LRRC4C: variants seen among roughly 807,000 people sequenced by gnomAD.
The protein encoded by LRRC4C is leucine rich repeat containing 4C, also known as leucine-rich repeat-containing protein 4C.
Under a neutral mutation model 33.6 loss-of-function variants are expected in LRRC4C, and 5 were observed. The ratio of observed to expected loss-of-function variants is 0.15; its 90% CI spans 0.08 to 0.31. LRRC4C has a LOEUF of 0.31. Ranked by LOEUF, LRRC4C falls within the 10% of genes least tolerant of loss-of-function variation. LRRC4C has a pLI of 1.00. For synonymous variants in LRRC4C, 329 were observed against 302.0 expected, an observed-to-expected ratio of 1.09 and a Z score of -0.93; for missense variants, 560 against 796.7, an observed-to-expected ratio of 0.70 and a Z score of 3.58.
intron 4 of LRRC4C, among the ~76,000 whole-genome samples, chr11:40,295,539 A>T (rs1321643515): frequency 6.6e-6 from 1 of 152,210 alleles, no homozygotes; most frequent in Non-Finnish European, 1.5e-5. Context: ...ATCTAAGTTT[A>T]TACAAAATGC....
chr11:41,412,939 T>C (rs940961032), intron 1 of LRRC4C, among the ~76,000 whole-genome samples: 1 of 152,222 alleles, frequency 6.6e-6, no homozygotes, highest in South Asian at 2.1e-4. Context: ...CATTTGTTAA[T>C]TTTGTCCTTC....
At chr11:40,597,785 GT>G (rs1191362605) in intron 3 of LRRC4C, among the ~76,000 whole-genome samples, 1 of 152,138 alleles carries the variant, frequency 6.6e-6, no homozygotes, top group Non-Finnish European at 1.5e-5. Context: ...ACTTGAACAC[GT>G]TGACATCGCA....
At chr11:40,525,642 G>T (rs1284031678) in intron 3 of LRRC4C, among the ~76,000 whole-genome samples, 1 of 151,950 alleles carries the variant, frequency 6.6e-6, no homozygotes, top group Non-Finnish European at 1.5e-5. Context: ...TTTATGCACT[G>T]GAGAATTCAG....
chr11:41,393,791 C>T (rs1216543031), intron 1 of LRRC4C, among the ~76,000 whole-genome samples: 1 of 151,898 alleles, frequency 6.6e-6, no homozygotes, highest in Non-Finnish European at 1.5e-5. Context: ...TCAGGAAATA[C>T]TGGATCACAT....
intron 2 of LRRC4C, among the ~76,000 whole-genome samples, chr11:40,912,424 G>C (rs946263450): frequency 6.6e-6 from 1 of 152,164 alleles, no homozygotes; most frequent in Non-Finnish European, 1.5e-5. Context: ...TTCCAACCCA[G>C]AATTTCATAT....
chr11:40,955,684 A>G (rs1958922343), intron 1 of LRRC4C, among the ~76,000 whole-genome samples: 2 of 151,770 alleles, frequency 1.3e-5, no homozygotes, highest in Admixed American at 6.6e-5. Flanking sequence ...ATCATACCTC[A>G]TTAGGAGTTT....
At chr11:40,251,320 T>C (rs1173289055) in intron 4 of LRRC4C, among the ~76,000 whole-genome samples, 1 of 152,164 alleles carries the variant, frequency 6.6e-6, no homozygotes, top group Non-Finnish European at 1.5e-5. Flanking sequence ...ATGAATATAT[T>C]GTGTGATGTT....
intron 5 of LRRC4C, among the ~76,000 whole-genome samples, chr11:40,219,137 C>T (rs1864219854): frequency 6.6e-6 from 1 of 152,156 alleles, no homozygotes; most frequent in Non-Finnish European, 1.5e-5. Flanking sequence ...TAGCCACTAG[C>T]CCCATGTGGC....
intron 3 of LRRC4C, among the ~76,000 whole-genome samples, chr11:40,363,814 T>A (rs929340080): frequency 3.3e-5 from 5 of 152,186 alleles, no homozygotes; most frequent in Non-Finnish European, 7.4e-5. Context: ...CTGGAACCAA[T>A]GAACACTGTT....
chr11:41,141,217 T>C (rs1286732659), intron 1 of LRRC4C, among the ~76,000 whole-genome samples: 2 of 152,084 alleles, frequency 1.3e-5, no homozygotes, highest in Non-Finnish European at 2.9e-5. Context: ...ATTATCCTTC[T>C]TTCAGCCCCA....
At chr11:40,186,035 A>C (rs1861374039) in intron 5 of LRRC4C, among the ~76,000 whole-genome samples, 1 of 152,158 alleles carries the variant, frequency 6.6e-6, no homozygotes, top group Non-Finnish European at 1.5e-5. Context: ...TACTTCCTGC[A>C]ATCTGTATTT....
chr11:40,438,561 C>T (rs1174572760), intron 3 of LRRC4C, among the ~76,000 whole-genome samples: 1 of 152,160 alleles, frequency 6.6e-6, no homozygotes, highest in East Asian at 1.9e-4. Context: ...TAATAGTGGA[C>T]CCTCAGTGAA....
At chr11:40,415,930 G>T (rs1258334003) in intron 3 of LRRC4C, among the ~76,000 whole-genome samples, 1 of 152,174 alleles carries the variant, frequency 6.6e-6, no homozygotes, top group Non-Finnish European at 1.5e-5. Context: ...CTATGAAATA[G>T]AAATTATAAC....
At chr11:41,188,582 G>A (rs1208969669) in intron 1 of LRRC4C, among the ~76,000 whole-genome samples, 1 of 151,762 alleles carries the variant, frequency 6.6e-6, no homozygotes, top group African/African-American at 2.4e-5. Flanking sequence ...GATGGACTGT[G>A]AAGATCAGGT....
chr11:41,399,889 C>A (rs750947202), intron 1 of LRRC4C, among the ~76,000 whole-genome samples: 1 of 151,814 alleles, frequency 6.6e-6, no homozygotes, highest in African/African-American at 2.4e-5. Flanking sequence ...AAGGGAAAAG[C>A]GAGAGTTTAT....
chr11:40,469,931 G>T (rs745790402), intron 3 of LRRC4C, among the ~76,000 whole-genome samples: 3 of 152,176 alleles, frequency 2.0e-5, no homozygotes, highest in Admixed American at 1.3e-4. Flanking sequence ...GAGTACCTGG[G>T]AGAAAGGGCA....
intron 3 of LRRC4C, among the ~76,000 whole-genome samples, chr11:40,627,336 C>T (rs1289367555): frequency 1.3e-5 from 2 of 150,884 alleles, no homozygotes; most frequent in Admixed American, 6.6e-5. Context: ...GAGGAAATAG[C>T]GAATGTTGAA....
chr11:40,709,026 C>A (rs1946325901), intron 2 of LRRC4C, among the ~76,000 whole-genome samples: 1 of 151,932 alleles, frequency 6.6e-6, no homozygotes, highest in Admixed American at 6.6e-5. Context: ...GGATTGCAAC[C>A]TCTGCTTTTT....
chr11:40,367,209 T>C (rs897190667), intron 3 of LRRC4C, among the ~76,000 whole-genome samples: 8 of 152,094 alleles, frequency 5.3e-5, no homozygotes, highest in Non-Finnish European at 1.2e-4. Context: ...TCTTGTTTAA[T>C]TGATGAATGG....
Sources: gnomAD v4.1 joint callset for allele counts (sites outside exome capture counted in the v4.1 genomes callset) on GRCh38, gnomAD v4.1.1 for gene constraint, MANE v1.5 for transcripts, NCBI Gene and HGNC (gene_info 2026-07-23, HGNC 2026-07-21) for gene names.